Variants in SEMA3A observed in about 807,000 individuals in gnomAD.
SEMA3A encodes semaphorin 3A.
In SEMA3A, 29 loss-of-function variants were observed where a neutral mutation model predicts 97.9. That is an observed-to-expected ratio of 0.30 (90% CI 0.22 to 0.40). The LOEUF (loss-of-function observed/expected upper bound fraction) is 0.40, where lower values mean the gene tolerates loss of function less well. SEMA3A is among the 10% of genes least tolerant of loss of function. The probability of loss-of-function intolerance (pLI) is 1.00; values close to 1 mark genes in which losing one functional copy is unlikely to be tolerated. For missense variants in SEMA3A, 763 were observed against 951.3 expected, an observed-to-expected ratio of 0.80 and a Z score of 2.60; for synonymous variants, 321 against 323.7, an observed-to-expected ratio of 0.99 and a Z score of 0.09.
intron 1 of SEMA3A, among the ~76,000 whole-genome samples, chr7:84,423,699 T>C (rs1804664574): frequency 6.6e-6 from 1 of 152,010 alleles, no homozygotes; most frequent in South Asian, 2.1e-4. Flanking sequence ...ATTTTACCTG[T>C]TTTGTTCCCT....
chr7:84,457,870 A>G (rs1364528546), intron 1 of SEMA3A, among the ~76,000 whole-genome samples: 1 of 152,038 alleles, frequency 6.6e-6, no homozygotes, highest in Non-Finnish European at 1.5e-5. Context: ...AAACAAGTAT[A>G]TACATCATAC....
intron 2 of SEMA3A, among the ~76,000 whole-genome samples, chr7:84,368,968 A>T (rs1802913598): frequency 6.6e-6 from 1 of 151,012 alleles, no homozygotes; most frequent in Non-Finnish European, 1.5e-5. Context: ...TTTTCCATCA[A>T]ATATATATCC....
At chr7:84,088,315 A>G (rs1794445976) in intron 4 of SEMA3A, among the ~76,000 whole-genome samples, 2 of 152,006 alleles carry the variant, frequency 1.3e-5, no homozygotes, top group Non-Finnish European at 2.9e-5. Flanking sequence ...TTAGCTGGGC[A>G]TGGTGGCGGG....
In SEMA3A at chr7:84,005,427, T is replaced by C; in HGVS notation, c.1272A>G (p.Lys424=). 1 of 1,613,896 alleles carries C rather than the reference T, an allele frequency of 6.2e-7. No individual in the cohort carries two copies. Among genetic ancestry groups the C allele is most frequent in the Non-Finnish European group, 8.5e-7 (1 of 1,179,842 alleles). ...FPMNNRPIVI[K]TDVNYQFTQI... is the part of the protein sequence containing the mutation. ...GTGTAAATTGATAATTTACATCCGTTTTGATCACTATTGGGCGATTGTTCA... is the reference window on the plus strand; with the variant it reads ...GTGTAAATTGATAATTTACATCCGTCTTGATCACTATTGGGCGATTGTTCA... The change falls in exon 11 of 17, where the codon AAA becomes AAG. Residue 424 remains lysine, a synonymous_variant. Transcript: ENST00000265362.
At chr7:84,023,847 A>G (rs1258771545) in intron 6 of SEMA3A, among the ~76,000 whole-genome samples, 3 of 151,756 alleles carry the variant, frequency 2.0e-5, no homozygotes, top group Non-Finnish European at 2.9e-5. Context: ...CGTCTCTACT[A>G]AAAAATACAA....
chr7:84,169,922 A>G (rs193282477), intron 1 of SEMA3A, among the ~76,000 whole-genome samples: 1 of 151,918 alleles, frequency 6.6e-6, no homozygotes, highest in Non-Finnish European at 1.5e-5. Context: ...CTTCATACTT[A>G]ACAAATATTA....
chr7:84,108,200 T>G (rs1181133176), intron 4 of SEMA3A, among the ~76,000 whole-genome samples: 2 of 152,110 alleles, frequency 1.3e-5, no homozygotes, highest in African/African-American at 4.8e-5. Flanking sequence ...ATTTCTAGCT[T>G]AGAAACTTAG....
chr7:84,271,532 A>T (rs185509256), intron 3 of SEMA3A, among the ~76,000 whole-genome samples: 1 of 152,192 alleles, frequency 6.6e-6, no homozygotes, highest in African/African-American at 2.4e-5. Context: ...ATGTAAATAA[A>T]GAGAAAATGA....
chr7:84,250,296 GA>G (rs999870216), intron 3 of SEMA3A, among the ~76,000 whole-genome samples: 5 of 147,236 alleles, frequency 3.4e-5, no homozygotes, highest in South Asian at 2.2e-4. Context: ...ACCAAAAAAA[GA>G]AAAAAAAAGT....
At chr7:84,359,907 T>G (rs1802668427) in intron 2 of SEMA3A, among the ~76,000 whole-genome samples, 1 of 151,366 alleles carries the variant, frequency 6.6e-6, no homozygotes, top group Non-Finnish European at 1.5e-5. Flanking sequence ...TTCTTCTAGA[T>G]TTTCTAGTTT....
At chr7:84,274,265 T>C (rs1191683859) in intron 3 of SEMA3A, among the ~76,000 whole-genome samples, 1 of 152,124 alleles carries the variant, frequency 6.6e-6, no homozygotes, top group Non-Finnish European at 1.5e-5. Context: ...CACTCTAACT[T>C]GACTTGGTGA....
intron 1 of SEMA3A, among the ~76,000 whole-genome samples, chr7:84,411,088 T>C (rs1804251849): frequency 6.6e-6 from 1 of 152,088 alleles, no homozygotes; most frequent in Admixed American, 6.6e-5. Flanking sequence ...TGTGTGGGTA[T>C]ATGTTTATGA....
intron 1 of SEMA3A, among the ~76,000 whole-genome samples, chr7:84,447,294 G>T (rs1805439090): frequency 6.6e-6 from 1 of 152,168 alleles, no homozygotes; most frequent in African/African-American, 2.4e-5. Context: ...TGGACAACAT[G>T]ATTGATTGGT....
At chr7:84,042,553 T>C (rs2372021) in intron 6 of SEMA3A, among the ~76,000 whole-genome samples, 86,852 of 151,860 alleles carry the variant, frequency 0.57, 26,024 homozygotes, top group Middle Eastern at 0.71. Flanking sequence ...TAAAGGATAC[T>C]CAGATAATTA....
chr7:84,203,526 A>ATATATATAT (rs372380784), intron 3 of SEMA3A, among the ~76,000 whole-genome samples: 1 of 25,658 alleles, frequency 3.9e-5, no homozygotes, highest in African/African-American at 1.3e-4. Flanking sequence ...ATATATATAT[A>ATATATATAT]TTTTTTTTTT....
intron 4 of SEMA3A, among the ~76,000 whole-genome samples, chr7:84,091,567 G>GGTTATC (rs1794605943): frequency 6.6e-6 from 1 of 152,120 alleles, no homozygotes; most frequent in African/African-American, 2.4e-5. Context: ...ATTCAGCCGA[G>GGTTATC]TGCTTTACTA....
At chr7:84,248,976 T>A (rs1270117151) in intron 3 of SEMA3A, among the ~76,000 whole-genome samples, 1 of 152,204 alleles carries the variant, frequency 6.6e-6, no homozygotes, top group Non-Finnish European at 1.5e-5. Flanking sequence ...ATGAACAAGT[T>A]CTAACCTCAT....
intron 2 of SEMA3A, among the ~76,000 whole-genome samples, chr7:84,324,517 T>C (rs1801727443): frequency 6.6e-6 from 1 of 152,116 alleles, no homozygotes; most frequent in Non-Finnish European, 1.5e-5. Flanking sequence ...AAAGAACATA[T>C]GGCTGAAACA....
intron 1 of SEMA3A, among the ~76,000 whole-genome samples, chr7:84,404,013 C>G (rs978968145): frequency 1.3e-5 from 2 of 152,178 alleles, no homozygotes; most frequent in Admixed American, 1.3e-4. Flanking sequence ...GAACACAGCT[C>G]CTCACCAGCA....
Sources: gnomAD v4.1 joint callset for allele counts (sites outside exome capture counted in the v4.1 genomes callset) on GRCh38, gnomAD v4.1.1 for gene constraint, MANE v1.5 for transcripts, NCBI Gene and HGNC (gene_info 2026-07-23, HGNC 2026-07-21) for gene names.